WWOX: variants seen among roughly 807,000 people sequenced by gnomAD.
WWOX encodes the protein WW domain containing oxidoreductase, also known as WW domain-containing oxidoreductase.
A neutral mutation model predicts 46.2 loss-of-function variants in WWOX; 69 were observed. That is an observed-to-expected ratio of 1.49 (90% CI 1.23 to 1.82). The LOEUF is 1.82. Among genes scored for constraint, WWOX ranks in the 40% most tolerant of loss-of-function variants. WWOX has a pLI of 0.00. For missense variants in WWOX, 919 were observed against 542.6 expected, an observed-to-expected ratio of 1.69 and a Z score of -6.89; for synonymous variants, 359 against 202.6, an observed-to-expected ratio of 1.77 and a Z score of -6.56.
intron 8 of WWOX, chr16:78,506,669 G>A (rs2085212196): frequency 6.7e-6 from 1 of 149,034 alleles, no homozygotes; most frequent in Non-Finnish European, 1.5e-5. Context: ...GTTCTTTTCA[G>A]GCTCAAGATC....
intron 5 of WWOX, among the ~76,000 whole-genome samples, chr16:78,306,780 T>C (rs557948851): frequency 6.6e-6 from 1 of 151,642 alleles, no homozygotes; most frequent in Non-Finnish European, 1.5e-5. Flanking sequence ...ATCTCACTCC[T>C]TCCCACAATC....
intron 8 of WWOX, among the ~76,000 whole-genome samples, chr16:78,503,403 A>C (rs2085116761): frequency 6.6e-6 from 1 of 151,974 alleles, no homozygotes; most frequent in Non-Finnish European, 1.5e-5. Context: ...TATCCCCCCC[A>C]TACTCCAGAT....
At chr16:78,300,631 C>G (rs547094695) in intron 5 of WWOX, among the ~76,000 whole-genome samples, 1 of 152,058 alleles carries the variant, frequency 6.6e-6, no homozygotes, top group African/African-American at 2.4e-5. Flanking sequence ...AATGGCTTGA[C>G]TTTTTCGGGA....
chr16:78,324,319 T>C (rs2080559953), intron 5 of WWOX, among the ~76,000 whole-genome samples: 1 of 152,034 alleles, frequency 6.6e-6, no homozygotes, highest in Non-Finnish European at 1.5e-5. Flanking sequence ...TGTGGAGAAG[T>C]TGGAACCCTC....
chr16:78,841,673 G>C (rs1454178486), intron 8 of WWOX, among the ~76,000 whole-genome samples: 1 of 152,150 alleles, frequency 6.6e-6, no homozygotes, highest in East Asian at 1.9e-4. Context: ...AAACCTATAA[G>C]TAGGTGCAAA....
Position 78,514,313 on chromosome 16 carries a change from A to T in WWOX, c.1056+81561A>T, listed in dbSNP as rs183936108. ...AATAAGCACATTAATTATGTGCAAC[A>T]GCTGCCATTGAGTGTGTGCATGTAC... On this transcript the variant is annotated intron_variant, in intron 8 of 8. Transcript: ENST00000566780. Among the ~76,000 whole-genome samples the T allele has an allele frequency of 1.4e-3, 207 of 152,362 alleles. 1 individual carries two copies. Among genetic ancestry groups the T allele is most frequent in the African/African-American group, 4.4e-3 (185 of 41,584 alleles).
chr16:78,526,930 C>T (rs561558170), intron 8 of WWOX, among the ~76,000 whole-genome samples: 9 of 152,092 alleles, frequency 5.9e-5, no homozygotes, highest in East Asian at 5.8e-4. Flanking sequence ...TTTGGGAGGC[C>T]GAGGCAGGTG....
At chr16:78,401,026 T>A (rs1317722891) in intron 6 of WWOX, among the ~76,000 whole-genome samples, 1 of 152,128 alleles carries the variant, frequency 6.6e-6, no homozygotes, top group Non-Finnish European at 1.5e-5. Context: ...CCTTGTGTTG[T>A]CCAGGCTGGT....
At chr16:78,490,055 C>G (rs1034566931) in intron 8 of WWOX, among the ~76,000 whole-genome samples, 10 of 151,988 alleles carry the variant, frequency 6.6e-5, no homozygotes, top group African/African-American at 2.2e-4. Context: ...TCTGGGGAGA[C>G]TAATATTAGT....
At chr16:78,723,562 C>CTTTTCTTTTCTT (rs2048744761) in intron 8 of WWOX, among the ~76,000 whole-genome samples, 2 of 19,278 alleles carry the variant, frequency 1.0e-4, no homozygotes, top group South Asian at 3.8e-3. Flanking sequence ...GCCTTCTTTT[C>CTTTTCTTTTCTT]TTTTCTTTTC....
At chr16:78,573,271 G>A (rs2044764685) in intron 8 of WWOX, among the ~76,000 whole-genome samples, 1 of 152,218 alleles carries the variant, frequency 6.6e-6, no homozygotes, top group Non-Finnish European at 1.5e-5. Flanking sequence ...GGGCAACACA[G>A]CGTGACTCCA....
At chr16:78,942,502 C>T (rs1320211867) in intron 8 of WWOX, among the ~76,000 whole-genome samples, 3 of 151,618 alleles carry the variant, frequency 2.0e-5, no homozygotes, top group Non-Finnish European at 2.9e-5. Flanking sequence ...AAAATTGATT[C>T]CCGTAGCTCT....
At chr16:78,639,109 C>G (rs896819293) in intron 8 of WWOX, among the ~76,000 whole-genome samples, 1 of 152,162 alleles carries the variant, frequency 6.6e-6, no homozygotes, top group Non-Finnish European at 1.5e-5. Context: ...CTGTCCCATA[C>G]TTGGACATTT....
At chr16:78,415,538 G>A (rs982018702) in intron 6 of WWOX, among the ~76,000 whole-genome samples, 17 of 152,068 alleles carry the variant, frequency 1.1e-4, no homozygotes, top group Non-Finnish European at 2.2e-4. Context: ...AGTCACTCTG[G>A]TTTGAATGCT....
intron 8 of WWOX, among the ~76,000 whole-genome samples, chr16:78,806,519 C>G (rs560531873): frequency 9.9e-5 from 15 of 152,210 alleles, no homozygotes; most frequent in Admixed American, 6.5e-4. Flanking sequence ...ACTCATGAGT[C>G]TGAGGATTGA....
At chr16:78,935,720 C>G (rs573494139) in intron 8 of WWOX, among the ~76,000 whole-genome samples, 311 of 151,784 alleles carry the variant, frequency 2.0e-3, no homozygotes, top group South Asian at 0.018. Flanking sequence ...CAAAGCTGCA[C>G]ATTGTGCACA....
intron 6 of WWOX, among the ~76,000 whole-genome samples, chr16:78,416,257 A>T (rs918879060): frequency 1.3e-5 from 2 of 152,208 alleles, no homozygotes; most frequent in Admixed American, 6.5e-5. Flanking sequence ...TTGAATTGCA[A>T]TGGCTTTTAG....
chr16:78,158,265 C>T (rs1251809689), intron 4 of WWOX, among the ~76,000 whole-genome samples: 1 of 152,172 alleles, frequency 6.6e-6, no homozygotes, highest in African/African-American at 2.4e-5. Context: ...TTAACATTAT[C>T]TTGTAAACAA....
rs1308900555 is a variant in WWOX at position 78,780,986 on chromosome 16, G to T, written c.1056+348234G>T. 2.0e-5 allele frequency among the ~76,000 whole-genome samples: 3 copies of T among 152,156 alleles called. No homozygotes were observed. The East Asian group carries it at 5.8e-4, about 29-fold the overall frequency. On this transcript the variant is annotated intron_variant, in intron 8 of 8. Coordinates refer to ENST00000566780, the MANE Select transcript of WWOX (RefSeq NM_016373.4). The stretch of plus-strand genomic sequence containing the variant: ...TCACCTTGGGGCCAGCCTGCAGACT[G>T]GTGTGGCCGAAGGAGTGCCGTGACT...
Sources: allele counts gnomAD v4.1 joint callset (sites outside exome capture counted in the v4.1 genomes callset), GRCh38; gene constraint gnomAD v4.1.1; transcripts MANE v1.5; gene names NCBI Gene and HGNC (gene_info 2026-07-23, HGNC 2026-07-21).